ANKRD18A: variants seen among roughly 807,000 people sequenced by gnomAD.
ANKRD18A encodes the protein ankyrin repeat domain-containing protein 18A.
A neutral mutation model predicts 110.6 loss-of-function variants in ANKRD18A; 72 were observed. The ratio of observed to expected loss-of-function variants is 0.65; its 90% CI spans 0.54 to 0.79. ANKRD18A has a LOEUF of 0.79. Among genes scored for constraint, ANKRD18A ranks in the 30% least tolerant of loss-of-function variants. The pLI, the probability that ANKRD18A is intolerant of heterozygous loss-of-function variation, is 0.00. For missense variants in ANKRD18A, 934 were observed against 1,163.3 expected (o/e 0.80, Z 2.87); for synonymous variants, 305 against 410.3 (o/e 0.74, Z 3.10).
chr9:38,592,203 C>G (rs4878831), intron 10 of ANKRD18A, among the ~76,000 whole-genome samples: 1 of 152,082 alleles, frequency 6.6e-6, no homozygotes, highest in Non-Finnish European at 1.5e-5. Flanking sequence ...GTGTTAATGT[C>G]TCAAAGAAGT....
chr9:38,577,470 TTA>T (rs1823945728), intron 13 of ANKRD18A, among the ~76,000 whole-genome samples: 1 of 152,150 alleles, frequency 6.6e-6, no homozygotes, highest in African/African-American at 2.4e-5. Context: ...GAAATCATAC[TTA>T]TGTTAGTATT....
intron 4 of ANKRD18A, among the ~76,000 whole-genome samples, chr9:38,610,786 C>T (rs976427119): frequency 1.3e-5 from 2 of 151,836 alleles, no homozygotes; most frequent in Non-Finnish European, 2.9e-5. Context: ...AATTCAAAGT[C>T]AGCTAGGGAT....
intron 7 of ANKRD18A, among the ~76,000 whole-genome samples, chr9:38,601,647 T>A (rs1825120710): frequency 6.6e-6 from 1 of 152,200 alleles, no homozygotes; most frequent in African/African-American, 2.4e-5. Context: ...GTTTTTTACA[T>A]CTGAAATATT....
chr9:38,570,864 C>T (rs573394238), downstream of ANKRD18A, among the ~76,000 whole-genome samples: 1 of 152,348 alleles, frequency 6.6e-6, no homozygotes, highest in East Asian at 1.9e-4. Context: ...TCAAAGGAGA[C>T]AATGAGGTGG....
chr9:38,577,818 A>C (rs776194064), intron 13 of ANKRD18A, 49 bp downstream of exon 13: 3 of 1,526,216 alleles, frequency 2.0e-6, no homozygotes, highest in Non-Finnish European at 2.6e-6. Context: ...TTGCAGTGAA[A>C]TAAATGAAAG....
chr9:38,600,504 G>A (rs1005108680), intron 8 of ANKRD18A, among the ~76,000 whole-genome samples: 2 of 152,114 alleles, frequency 1.3e-5, no homozygotes, highest in South Asian at 2.1e-4. Context: ...TAGTGACAGC[G>A]CTTTACAAAT....
At chr9:38,568,350 A>G (rs1273873934), downstream of ANKRD18A, 1 of 152,048 alleles carries the variant, frequency 6.6e-6, no homozygotes, top group East Asian at 2.0e-4. Context: ...AGGCCTGTGC[A>G]TGCCAGGCAA....
chr9:38,620,195 G>T lies in ANKRD18A; in HGVS notation c.91C>A (p.Arg31=), dbSNP rs1376916540. 3 of 1,555,234 alleles carry T rather than the reference G, an allele frequency of 1.9e-6. No homozygotes were observed. The highest frequency in any genetic ancestry group is 2.4e-5 in the South Asian group (2 of 84,258). The change falls in exon 1 of 16, where the codon CGG becomes AGG. Residue 31 remains arginine (R), a synonymous_variant. Transcript: ENST00000399703. ...TGGATCTTCCGCAGTTCCCAGTCCC[G>T]AATGTCGTAACCCGGACCCGCATAC... ...QEYAGPGYDI[R]DWELRKIHRA... is the part of the protein sequence containing the mutation.
intron 3 of ANKRD18A, among the ~76,000 whole-genome samples, chr9:38,612,721 G>A (rs1825685890): frequency 6.6e-6 from 1 of 151,906 alleles, no homozygotes; most frequent in East Asian, 1.9e-4. Flanking sequence ...GTTTCACCGT[G>A]TTAGCCAGGA....
At chr9:38,568,411 G>A (rs1055927045), downstream of ANKRD18A, 12 of 151,968 alleles carry the variant, frequency 7.9e-5, no homozygotes, top group Admixed American at 5.2e-4. Context: ...GGTGTGCCAG[G>A]AGCAGGTGGA....
intron 1 of ANKRD18A, among the ~76,000 whole-genome samples, chr9:38,618,597 C>T (rs531820591): frequency 2.0e-5 from 3 of 152,232 alleles, no homozygotes; most frequent in Non-Finnish European, 2.9e-5. Context: ...TCCAAATTAT[C>T]CACTTGAAAA....
chr9:38,598,982 G>A (rs1241982634), intron 8 of ANKRD18A, among the ~76,000 whole-genome samples: 1 of 152,110 alleles, frequency 6.6e-6, no homozygotes, highest in Non-Finnish European at 1.5e-5. Flanking sequence ...GGTATTTTGG[G>A]TTATATTTTC....
At chr9:38,566,350 G>A in the ANKRD18A span, 1 of 152,182 alleles carries the variant, frequency 6.6e-6, no homozygotes, top group African/African-American at 2.4e-5. Context: ...AGGTACAGTG[G>A]TGGTACAGGC....
In ANKRD18A at chr9:38,586,630, T is replaced by TC. The variant is rs562256346; in HGVS notation, c.2118-319dup. 2.8e-4 allele frequency among the ~76,000 whole-genome samples: 43 copies of TC among 152,282 alleles called. 1 individual carries two copies. The South Asian group carries it at 5.8e-3, about 21-fold the overall frequency. On this transcript the variant is annotated intron_variant, in intron 11 of 15. Coordinates refer to ENST00000399703, the MANE Select transcript of ANKRD18A (RefSeq NM_147195.4). ...CTCAGGCTGAAGTGTGATGGCGTGATCACGGCTCACTGCAACTTCTGCTTC... is the reference window on the plus strand; with the variant it reads ...CTCAGGCTGAAGTGTGATGGCGTGATCCACGGCTCACTGCAACTTCTGCTTC...
chr9:38,595,422 C>T, intron 9 of ANKRD18A, 64 bp downstream of exon 9: 2 of 1,338,514 alleles, frequency 1.5e-6, no homozygotes, highest in South Asian at 3.4e-5. Context: ...CTAGGTTCAA[C>T]ATATAGCCAG....
chr9:38,599,835 G>T (rs1825046686), intron 8 of ANKRD18A, among the ~76,000 whole-genome samples: 1 of 152,048 alleles, frequency 6.6e-6, no homozygotes, highest in South Asian at 2.1e-4. Flanking sequence ...ACTCAGTTCT[G>T]GTTCTTGAGA....
chr9:38,600,780 T>C (rs1250671717), intron 8 of ANKRD18A, among the ~76,000 whole-genome samples: 1 of 152,170 alleles, frequency 6.6e-6, no homozygotes, highest in Non-Finnish European at 1.5e-5. Context: ...GTGAACTCAG[T>C]GGCCATCACC....
At chr9:38,595,243 C>A (rs576817301) in intron 9 of ANKRD18A, among the ~76,000 whole-genome samples, 1 of 152,238 alleles carries the variant, frequency 6.6e-6, no homozygotes, top group South Asian at 2.1e-4. Context: ...TTTCATCACT[C>A]CAGGACAATC....
chr9:38,618,313 T>C (rs1396248510), intron 1 of ANKRD18A, among the ~76,000 whole-genome samples: 1 of 152,244 alleles, frequency 6.6e-6, no homozygotes, highest in African/African-American at 2.4e-5. Flanking sequence ...ATTTTGTGCA[T>C]AGTATTGCCT....
Sources: gnomAD v4.1 joint callset for allele counts (sites outside exome capture counted in the v4.1 genomes callset) on GRCh38, gnomAD v4.1.1 for gene constraint, MANE v1.5 for transcripts, NCBI Gene and HGNC (gene_info 2026-07-23, HGNC 2026-07-21) for gene names.